THSD7B: variants seen among roughly 807,000 people sequenced by gnomAD.
THSD7B encodes thrombospondin type-1 domain-containing protein 7B.
In THSD7B, 138 loss-of-function variants were observed where a neutral mutation model predicts 213.6. The observed-to-expected ratio is 0.65, with a 90% CI of 0.56 to 0.74. THSD7B has a LOEUF of 0.74. THSD7B is among the 30% of genes least tolerant of loss of function. The probability of loss-of-function intolerance (pLI) is 0.00; values close to 1 mark genes in which losing one functional copy is unlikely to be tolerated. For missense variants in THSD7B, 1,931 were observed against 1,991.5 expected (o/e 0.97, Z 0.58); for synonymous variants, 742 against 687.0 (o/e 1.08, Z -1.25).
chr2:137,147,171 T>C lies in THSD7B; in HGVS notation c.1370-13042T>C, dbSNP rs1028799417. ...CTGATTTAGAATACTGGCTGTGACATAGTGAAGAGCTATACAAGTAGGACT... is the reference window on the plus strand; with the variant it reads ...CTGATTTAGAATACTGGCTGTGACACAGTGAAGAGCTATACAAGTAGGACT... On this transcript the variant is annotated intron_variant, in intron 5 of 27. Transcript: ENST00000409968. 2.6e-5 allele frequency among the ~76,000 whole-genome samples: 4 copies of C among 152,324 alleles called. No individual in the cohort carries two copies. In the East Asian group the frequency reaches 7.7e-4, roughly 29 times the overall value.
At chr2:137,351,371 C>G (rs1171255784) in intron 12 of THSD7B, among the ~76,000 whole-genome samples, 1 of 151,872 alleles carries the variant, frequency 6.6e-6, no homozygotes, top group Non-Finnish European at 1.5e-5. Context: ...TTCAGCAGGA[C>G]ACAATATTTC....
intron 12 of THSD7B, among the ~76,000 whole-genome samples, chr2:137,336,918 G>A (rs888450437): frequency 6.6e-6 from 1 of 151,906 alleles, no homozygotes; most frequent in Non-Finnish European, 1.5e-5. Context: ...ATTTTTTAAT[G>A]TATCAACTTT....
In THSD7B at chr2:137,161,677, T is replaced by C. The variant is rs1018493176; in HGVS notation, c.1525+1309T>C. On this transcript the variant is annotated intron_variant, in intron 6 of 27. Transcript: ENST00000409968. The stretch of plus-strand genomic sequence containing the variant: ...ATGTCAAAGAAGCCTGGAGAGGGCC[T>C]TGGGCAATTCTCTTATTTGACATGT... Among the ~76,000 whole-genome samples, 17 of 152,162 alleles carry C rather than the reference T, an allele frequency of 1.1e-4. 1 individual carries two copies. The highest frequency in any genetic ancestry group is 1.3e-4 in the Admixed American group (2 of 15,274).
intron 2 of THSD7B, among the ~76,000 whole-genome samples, chr2:137,045,655 A>T (rs547717610): frequency 6.6e-6 from 1 of 152,216 alleles, no homozygotes; most frequent in Non-Finnish European, 1.5e-5. Context: ...ATTTATTTAC[A>T]TTCTTCAAGG....
At chr2:137,550,955 A>G (rs1680835359) in intron 15 of THSD7B, among the ~76,000 whole-genome samples, 1 of 152,068 alleles carries the variant, frequency 6.6e-6, no homozygotes, top group East Asian at 1.9e-4. Context: ...TTACCTATAT[A>G]ACAAACCTTC....
chr2:137,647,404 G>A (rs987439984), intron 21 of THSD7B, among the ~76,000 whole-genome samples: 5 of 137,424 alleles, frequency 3.6e-5, no homozygotes, highest in Admixed American at 7.1e-5. Context: ...TCCCTACTCC[G>A]ATCTCTCTCT....
chr2:137,026,689 G>T (rs1379408450), intron 2 of THSD7B, among the ~76,000 whole-genome samples: 1 of 151,994 alleles, frequency 6.6e-6, no homozygotes, highest in Non-Finnish European at 1.5e-5. Context: ...CCTTATTAAG[G>T]CCACCTCCTG....
intron 12 of THSD7B, among the ~76,000 whole-genome samples, chr2:137,336,161 T>C (rs891440261): frequency 6.6e-6 from 1 of 152,198 alleles, no homozygotes; most frequent in African/African-American, 2.4e-5. Context: ...GATTAGATCA[T>C]CAAAAATATT....
intron 1 of THSD7B, among the ~76,000 whole-genome samples, chr2:136,798,696 T>A (rs1376875221): frequency 6.6e-6 from 1 of 151,792 alleles, no homozygotes; most frequent in African/African-American, 2.4e-5. Context: ...CAGTAAACAT[T>A]TTTACTCTCT....
chr2:137,286,423 G>A (rs1573935079), intron 12 of THSD7B, among the ~76,000 whole-genome samples: 1 of 152,094 alleles, frequency 6.6e-6, no homozygotes, highest in East Asian at 1.9e-4. Context: ...CAGCCAATCA[G>A]CACGTTGTGT....
At chr2:137,655,382 A>T (rs1432420532) in intron 21 of THSD7B, 119 bp from the exon 22 acceptor site, 1 of 1,076,184 alleles carries the variant, frequency 9.3e-7, no homozygotes, top group Non-Finnish European at 1.3e-6. Flanking sequence ...GATAGCTCAC[A>T]AGAAGAGGAA....
intron 12 of THSD7B, among the ~76,000 whole-genome samples, chr2:137,294,269 T>C (rs555036535): frequency 1.3e-5 from 2 of 152,100 alleles, no homozygotes; most frequent in East Asian, 3.9e-4. Context: ...TTTCCTATGG[T>C]ATGGTACAAT....
At chr2:136,917,160 A>G (rs949072471) in intron 2 of THSD7B, among the ~76,000 whole-genome samples, 2 of 152,150 alleles carry the variant, frequency 1.3e-5, no homozygotes, top group Non-Finnish European at 2.9e-5. Flanking sequence ...TCCAATCTCA[A>G]ACTTTTCAGT....
rs1573805741 is a variant in THSD7B at position 137,074,822 on chromosome 2, T to C, written c.950+17592T>C. On this transcript the variant is annotated intron_variant, in intron 3 of 27. Transcript: ENST00000409968. ...TCAGCATTTGCTTGTCTGTAAAGGA[T>C]TTTATTTCTCCTTCAGTTATGAAGC... Among the ~76,000 whole-genome samples, 5 of 152,272 alleles carry C rather than the reference T, an allele frequency of 3.3e-5. No homozygotes were observed. In the South Asian group the frequency reaches 1.0e-3, roughly 32 times the overall value.
intron 1 of THSD7B, among the ~76,000 whole-genome samples, chr2:136,788,233 C>T (rs534165470): frequency 6.6e-6 from 1 of 152,286 alleles, no homozygotes; most frequent in South Asian, 2.1e-4. Context: ...CCTTAAGCTA[C>T]TAGAGTTATG....
In THSD7B at chr2:137,160,253, C is replaced by T. The variant is rs764883132; in HGVS notation, c.1410C>T (p.Ala470=). ...PVEKALCVGP[A]PLPSQLCNIP... Reference sequence around the variant, plus strand: ...AAAAGGCATTATGTGTGGGACCCGCCCCGTTGCCCTCTCAGCTCTGCAATA... The same window carrying T: ...AAAAGGCATTATGTGTGGGACCCGCTCCGTTGCCCTCTCAGCTCTGCAATA... Residue 470 remains alanine, a synonymous_variant, in exon 6 of 28, where the codon GCC becomes GCT. Transcript: ENST00000409968. 6.2e-7 allele frequency: 1 copy of T among 1,613,660 alleles called. No individual in the cohort carries two copies. Among genetic ancestry groups the T allele is most frequent in the South Asian group, 1.1e-5 (1 of 91,058 alleles).
chr2:137,640,604 G>A (rs1240520685), intron 20 of THSD7B, among the ~76,000 whole-genome samples: 1 of 151,982 alleles, frequency 6.6e-6, no homozygotes, highest in East Asian at 1.9e-4. Context: ...CCCAAACAAG[G>A]GACTTAAATT....
chr2:137,382,165 A>G (rs1170689438), intron 12 of THSD7B, among the ~76,000 whole-genome samples: 1 of 152,068 alleles, frequency 6.6e-6, no homozygotes, highest in Non-Finnish European at 1.5e-5. Context: ...GTTTGTCTTC[A>G]TGGGAGGGCA....
At chr2:136,890,361 CTTCTTCTTCTTCT>C in intron 2 of THSD7B, among the ~76,000 whole-genome samples, 3 of 5,126 alleles carry the variant, frequency 5.9e-4, no homozygotes, top group African/African-American at 1.9e-3. Context: ...TCTTCTTCTT[CTTCTTCTTCTTCT>C]TCCTCTTCCT....
Sources: gnomAD v4.1 joint callset for allele counts (sites outside exome capture counted in the v4.1 genomes callset) on GRCh38, gnomAD v4.1.1 for gene constraint, MANE v1.5 for transcripts, NCBI Gene and HGNC (gene_info 2026-07-23, HGNC 2026-07-21) for gene names.